PBX1: variants seen among roughly 807,000 people sequenced by gnomAD.
PBX1 encodes PBX homeobox 1.
A neutral mutation model predicts 53.4 loss-of-function variants in PBX1; 6 were observed. The ratio of observed to expected loss-of-function variants is 0.11; its 90% CI spans 0.06 to 0.22. The LOEUF is 0.22. Ranked by LOEUF, PBX1 falls within the 10% of genes least tolerant of loss-of-function variation. The probability of loss-of-function intolerance (pLI) is 1.00; values close to 1 mark genes in which losing one functional copy is unlikely to be tolerated. For missense variants in PBX1, 251 were observed against 551.4 expected (o/e 0.46, Z 5.46); for synonymous variants, 204 against 212.3 (o/e 0.96, Z 0.34).
chr1:164,877,146 T>C (rs1487502917), intron 2 of PBX1, among the ~76,000 whole-genome samples: 1 of 151,712 alleles, frequency 6.6e-6, no homozygotes, highest in Non-Finnish European at 1.5e-5. Flanking sequence ...TTTTGTCAAG[T>C]AACTTGCCAA....
chr1:164,632,589 G>A (rs1658479550), intron 2 of PBX1, among the ~76,000 whole-genome samples: 1 of 152,098 alleles, frequency 6.6e-6, no homozygotes, highest in African/African-American at 2.4e-5. Context: ...TGTAGAACAT[G>A]CAGAATGCCC....
chr1:164,666,276 A>T (rs1660804318), intron 2 of PBX1, among the ~76,000 whole-genome samples: 2 of 152,184 alleles, frequency 1.3e-5, no homozygotes, highest in Non-Finnish European at 2.9e-5. Context: ...AGCTAGATGG[A>T]AAGGAAAGAG....
intron 8 of PBX1, among the ~76,000 whole-genome samples, chr1:164,834,325 C>T (rs763854984): frequency 3.1e-4 from 47 of 151,106 alleles, no homozygotes; most frequent in Non-Finnish European, 4.9e-4. Context: ...TAGCCTGTTT[C>T]CATTGGCCCT....
At chr1:164,801,452 A>G (rs1004301910) in intron 4 of PBX1, among the ~76,000 whole-genome samples, 2 of 138,260 alleles carry the variant, frequency 1.4e-5, no homozygotes, top group African/African-American at 6.5e-5. Context: ...CAGATATTGA[A>G]AAAAAAAAAA....
intron 2 of PBX1, among the ~76,000 whole-genome samples, chr1:164,734,628 A>G (rs1400800026): frequency 6.6e-6 from 1 of 152,166 alleles, no homozygotes; most frequent in East Asian, 1.9e-4. Context: ...ATGGTATTAA[A>G]TTTTCTGTGG....
chr1:164,870,355 T>TTC (rs1269174074), intron 2 of PBX1, among the ~76,000 whole-genome samples: 14 of 94,784 alleles, frequency 1.5e-4, no homozygotes, highest in South Asian at 3.9e-4. Context: ...CTTTCTTTCT[T>TTC]TCTTTCGAGA....
intron 2 of PBX1, among the ~76,000 whole-genome samples, chr1:164,624,984 T>C (rs570231460): frequency 3.0e-4 from 46 of 152,238 alleles, no homozygotes; most frequent in Non-Finnish European, 6.6e-4. Flanking sequence ...CAATGACTTA[T>C]TATAAATTTT....
intron 2 of PBX1, among the ~76,000 whole-genome samples, chr1:164,702,316 C>G (rs1315302243): frequency 6.6e-6 from 1 of 152,020 alleles, no homozygotes; most frequent in African/African-American, 2.4e-5. Flanking sequence ...AAGAGGATAC[C>G]CTGAGCTCAC....
chr1:164,670,858 G>A (rs1226782437), intron 2 of PBX1, among the ~76,000 whole-genome samples: 1 of 152,194 alleles, frequency 6.6e-6, no homozygotes, highest in Non-Finnish European at 1.5e-5. Flanking sequence ...TTTTCTTTCT[G>A]CCTGTGTCCC....
In PBX1 at chr1:164,842,166, G is replaced by A. The variant is rs561057757; in HGVS notation, c.1201-4418G>A. Among the ~76,000 whole-genome samples the A allele has an allele frequency of 1.5e-3, 231 of 152,248 alleles. 1 individual carries two copies. The highest frequency in any genetic ancestry group is 1.9e-3 in the Non-Finnish European group (128 of 68,020). On this transcript the variant is annotated intron_variant, in intron 8 of 8. Coordinates refer to ENST00000420696, the MANE Select transcript of PBX1 (RefSeq NM_002585.4). ...AAAAGCAGCACTGGATCCACAACAG[G>A]GAGGGAGAAGCAACTATCTGTGGTC...
At chr1:164,633,038 G>C (rs923636331) in intron 2 of PBX1, among the ~76,000 whole-genome samples, 2 of 152,152 alleles carry the variant, frequency 1.3e-5, no homozygotes, top group African/African-American at 4.8e-5. Flanking sequence ...GCATAGCTAA[G>C]ACTCAAAACT....
intron 2 of PBX1, among the ~76,000 whole-genome samples, chr1:164,788,008 A>G (rs73029034): frequency 4.6e-5 from 7 of 152,054 alleles, no homozygotes; most frequent in African/African-American, 1.7e-4. Context: ...CCCTATATGC[A>G]TGAGGACAAA....
chr1:164,600,608 A>G (rs1278592893), intron 2 of PBX1, among the ~76,000 whole-genome samples: 1 of 152,186 alleles, frequency 6.6e-6, no homozygotes, highest in Non-Finnish European at 1.5e-5. Context: ...AAAGGCAAAC[A>G]GAGCTTTTGG....
chr1:164,877,650 G>A (rs972552680), intron 2 of PBX1, among the ~76,000 whole-genome samples: 1 of 151,750 alleles, frequency 6.6e-6, no homozygotes, highest in Non-Finnish European at 1.5e-5. Context: ...GCATTGGAAT[G>A]AGACCTTGTC....
chr1:164,838,659 G>A (rs976757972), intron 8 of PBX1, among the ~76,000 whole-genome samples: 6 of 152,116 alleles, frequency 3.9e-5, no homozygotes, highest in African/African-American at 1.2e-4. Context: ...GGCAAATCCT[G>A]GGTTCTGAGA....
intron 8 of PBX1, among the ~76,000 whole-genome samples, chr1:164,836,151 G>C (rs1228189938): frequency 6.6e-6 from 1 of 152,088 alleles, no homozygotes; most frequent in East Asian, 1.9e-4. Context: ...ATGGTATTTT[G>C]AGTGACTAGA....
At chr1:164,623,396 A>G (rs1657822466) in intron 2 of PBX1, among the ~76,000 whole-genome samples, 1 of 152,204 alleles carries the variant, frequency 6.6e-6, no homozygotes, top group African/African-American at 2.4e-5. Flanking sequence ...ACCATGTGTT[A>G]GGTGGCAGGA....
At chr1:164,575,181 T>G (rs1489296839) in intron 2 of PBX1, among the ~76,000 whole-genome samples, 1 of 152,216 alleles carries the variant, frequency 6.6e-6, no homozygotes, top group Non-Finnish European at 1.5e-5. Flanking sequence ...AATACCTTCT[T>G]GAGTTCATAT....
intron 2 of PBX1, among the ~76,000 whole-genome samples, chr1:164,630,773 C>A (rs1390197471): frequency 6.6e-6 from 1 of 152,196 alleles, no homozygotes; most frequent in Non-Finnish European, 1.5e-5. Flanking sequence ...CTACCAGGTA[C>A]TTGGCAATTA....
Sources: allele counts gnomAD v4.1 joint callset (sites outside exome capture counted in the v4.1 genomes callset), GRCh38; gene constraint gnomAD v4.1.1; transcripts MANE v1.5; gene names NCBI Gene and HGNC (gene_info 2026-07-23, HGNC 2026-07-21).